PPP1R9A: variants seen among roughly 807,000 people sequenced by gnomAD.
PPP1R9A encodes the protein neurabin-1.
Under a neutral mutation model 141.9 loss-of-function variants are expected in PPP1R9A, and 59 were observed. The observed-to-expected ratio is 0.42, with a 90% CI of 0.34 to 0.52. The LOEUF (loss-of-function observed/expected upper bound fraction) is 0.52. Ranked by LOEUF, PPP1R9A falls within the 20% of genes least tolerant of loss-of-function variation. PPP1R9A has a pLI of 0.10. For synonymous variants in PPP1R9A, 500 were observed against 569.7 expected (o/e 0.88, Z 1.74); for missense variants, 1,444 against 1,611.9 (o/e 0.90, Z 1.78).
chr7:95,072,293 A>C (rs1010608995), intron 2 of PPP1R9A, among the ~76,000 whole-genome samples: 18 of 145,204 alleles, frequency 1.2e-4, no homozygotes, highest in Non-Finnish European at 2.4e-4. Context: ...TATATATTAT[A>C]AAAATTAATA....
chr7:95,252,112 C>G lies in PPP1R9A; in HGVS notation c.2647C>G (p.Gln883Glu). Reference protein sequence around the residue: ...ENLDGKQTSCQDGLSQDLNEA... With the variant: ...ENLDGKQTSCEDGLSQDLNEA... ...CTTGGATGGCAAGCAGACATCTTGC[C>G]AAGATGGCCTAAGTCAAGGTTTGTT... Residue 883 changes from glutamine (Q) to glutamate (E), a missense_variant, in exon 12 of 20, where the codon CAA becomes GAA. Around this residue, in one of 5 missense-constraint regions of PPP1R9A, gnomAD observed 488 missense variants for 542.0 expected, o/e 0.90. Transcript: ENST00000433360. 2.5e-6 allele frequency: 4 copies of G among 1,597,442 alleles called. No homozygotes were observed. Among genetic ancestry groups the G allele is most frequent in the Non-Finnish European group, 2.6e-6 (3 of 1,175,176 alleles).
At chr7:95,055,326 T>C (rs1245032025) in intron 2 of PPP1R9A, among the ~76,000 whole-genome samples, 1 of 151,888 alleles carries the variant, frequency 6.6e-6, no homozygotes, top group Non-Finnish European at 1.5e-5. Context: ...TTGAGAACTC[T>C]AGTACTGAAG....
chr7:94,944,737 G>A (rs1248899962), intron 2 of PPP1R9A, among the ~76,000 whole-genome samples: 1 of 152,024 alleles, frequency 6.6e-6, no homozygotes, highest in South Asian at 2.1e-4. Flanking sequence ...AATAGTAGAT[G>A]CCTGGATTTG....
chr7:95,133,513 TTATATATATATATATA>T (rs10570222), intron 4 of PPP1R9A, among the ~76,000 whole-genome samples: 1 of 132,690 alleles, frequency 7.5e-6, no homozygotes, highest in Non-Finnish European at 1.6e-5. Context: ...TGCAGTCGTA[TTATATATATATATATA>T]TATATATATA....
intron 2 of PPP1R9A, among the ~76,000 whole-genome samples, chr7:95,095,103 C>A (rs1321080080): frequency 6.6e-6 from 1 of 152,054 alleles, no homozygotes; most frequent in Non-Finnish European, 1.5e-5. Flanking sequence ...GAGGTGCTAT[C>A]AAGTCACCTA....
intron 2 of PPP1R9A, among the ~76,000 whole-genome samples, chr7:94,988,399 A>T (rs1801109129): frequency 6.6e-6 from 1 of 152,140 alleles, no homozygotes; most frequent in African/African-American, 2.4e-5. Flanking sequence ...TTATTGGATA[A>T]GACACCAGCT....
chr7:95,185,475 G>A (rs1585137237), intron 5 of PPP1R9A, among the ~76,000 whole-genome samples: 1 of 151,764 alleles, frequency 6.6e-6, no homozygotes, highest in East Asian at 1.9e-4. Flanking sequence ...CCACTCTTGG[G>A]GTTTTCTGTT....
intron 2 of PPP1R9A, among the ~76,000 whole-genome samples, chr7:95,055,748 A>G (rs775382455): frequency 5.9e-5 from 9 of 152,208 alleles, no homozygotes; most frequent in Non-Finnish European, 1.2e-4. Flanking sequence ...ATTCTACCCC[A>G]GAATGCCCTT....
At chr7:95,073,727 A>C (rs1443297022) in intron 2 of PPP1R9A, among the ~76,000 whole-genome samples, 3 of 148,212 alleles carry the variant, frequency 2.0e-5, no homozygotes, top group African/African-American at 7.5e-5. Context: ...ATATAAATAC[A>C]TATATATATA....
In PPP1R9A at chr7:94,966,839, T is replaced by G. The variant is rs140282517; in HGVS notation, c.1395+55331T>G. Among the ~76,000 whole-genome samples the G allele has an allele frequency of 4.6e-3, 695 of 152,322 alleles. 6 individuals are homozygous for G. The highest frequency in any genetic ancestry group is 8.2e-3 in the Non-Finnish European group (558 of 68,028). Reference sequence around the variant, plus strand: ...ATGATGCTGGCCTCATAAAATGAGTTTGGGAGGAGTCCCTCTTTTTCTGTT... The same window carrying G: ...ATGATGCTGGCCTCATAAAATGAGTGTGGGAGGAGTCCCTCTTTTTCTGTT... On this transcript the variant is annotated intron_variant, in intron 2 of 19. Transcript: ENST00000433360.
intron 5 of PPP1R9A, among the ~76,000 whole-genome samples, chr7:95,167,218 A>G (rs1247134860): frequency 2.0e-5 from 3 of 152,090 alleles, no homozygotes; most frequent in Non-Finnish European, 2.9e-5. Context: ...GGAAACTCCC[A>G]TTTTTAAAAC....
At chr7:95,050,782 A>G (rs1469934727) in intron 2 of PPP1R9A, among the ~76,000 whole-genome samples, 1 of 152,178 alleles carries the variant, frequency 6.6e-6, no homozygotes, top group Non-Finnish European at 1.5e-5. Context: ...GTTTCATTAT[A>G]AGTGTGTTGA....
At chr7:95,240,464 G>T in intron 8 of PPP1R9A, among the ~76,000 whole-genome samples, 1 of 149,132 alleles carries the variant, frequency 6.7e-6, no homozygotes, top group Non-Finnish European at 1.5e-5. Context: ...GTTTTTTTAT[G>T]GTTTTATTTT....
At chr7:95,080,769 G>A (rs916021902) in intron 2 of PPP1R9A, among the ~76,000 whole-genome samples, 7 of 152,132 alleles carry the variant, frequency 4.6e-5, no homozygotes, top group African/African-American at 1.4e-4. Context: ...GCATGTTTTA[G>A]GGTGGCATTC....
chr7:95,181,377 T>G (rs891913138), intron 5 of PPP1R9A, among the ~76,000 whole-genome samples: 6 of 138,054 alleles, frequency 4.3e-5, no homozygotes, highest in East Asian at 4.1e-4. Context: ...ATGGAATATA[T>G]AGAGAGAATA....
At chr7:95,237,003 C>T (rs1796774034) in intron 8 of PPP1R9A, among the ~76,000 whole-genome samples, 1 of 151,338 alleles carries the variant, frequency 6.6e-6, no homozygotes, top group Non-Finnish European at 1.5e-5. Flanking sequence ...TTATTGCACT[C>T]TGATCAGAAA....
At chr7:95,128,032 A>G (rs1823888233) in intron 4 of PPP1R9A, among the ~76,000 whole-genome samples, 1 of 152,134 alleles carries the variant, frequency 6.6e-6, no homozygotes, top group Non-Finnish European at 1.5e-5. Flanking sequence ...TTGGATATCT[A>G]CCCAGTAATG....
chr7:95,033,296 G>A (rs938107966), intron 2 of PPP1R9A, among the ~76,000 whole-genome samples: 1 of 151,030 alleles, frequency 6.6e-6, no homozygotes, highest in Admixed American at 6.6e-5. Flanking sequence ...TTACAGGCAT[G>A]AGCCACCGCT....
At chr7:95,052,624 A>G (rs1397694943) in intron 2 of PPP1R9A, among the ~76,000 whole-genome samples, 1 of 152,218 alleles carries the variant, frequency 6.6e-6, no homozygotes, top group Non-Finnish European at 1.5e-5. Context: ...TTAAGAATTT[A>G]TGTCATACAA....
Sources: gnomAD v4.1 joint callset for allele counts (sites outside exome capture counted in the v4.1 genomes callset) on GRCh38, gnomAD v4.1.1 for gene constraint, gnomAD v4.1.1 regional missense constraint, MANE v1.5 for transcripts, NCBI Gene and HGNC (gene_info 2026-07-23, HGNC 2026-07-21) for gene names.